Variants in VPS54 observed in about 807,000 individuals in gnomAD.
VPS54 encodes vacuolar protein sorting-associated protein 54.
In VPS54, 45 loss-of-function variants were observed where a neutral mutation model predicts 121.5. The observed-to-expected ratio is 0.37, with a 90% CI of 0.29 to 0.47. The LOEUF is 0.47. VPS54 is among the 20% of genes least tolerant of loss of function. The pLI is 0.99. For missense variants in VPS54, 1,090 were observed against 1,131.4 expected, an observed-to-expected ratio of 0.96 and a Z score of 0.52; for synonymous variants, 371 against 385.8, an observed-to-expected ratio of 0.96 and a Z score of 0.45.
chr2:63,964,539 C>A (rs1675902738), intron 6 of VPS54, among the ~76,000 whole-genome samples: 2 of 152,158 alleles, frequency 1.3e-5, no homozygotes, highest in Admixed American at 6.5e-5. Flanking sequence ...AAGCCTGTGT[C>A]ATGAGCAAGC....
At chr2:63,919,647 T>C (rs775839992) in intron 15 of VPS54, among the ~76,000 whole-genome samples, 1 of 152,048 alleles carries the variant, frequency 6.6e-6, no homozygotes, top group African/African-American at 2.4e-5. Context: ...GAGAATGAAC[T>C]GGAGTAATGC....
intron 3 of VPS54, chr2:63,975,167 T>C: frequency 1.4e-6 from 1 of 723,498 alleles, no homozygotes; most frequent in Non-Finnish European, 2.1e-6. Flanking sequence ...TGCCTCAGCC[T>C]CCCAAGTAGC....
intron 14 of VPS54, 141 bp downstream of exon 14, chr2:63,920,305 T>C (rs1167937084): frequency 1.3e-6 from 1 of 746,506 alleles, no homozygotes; most frequent in Non-Finnish European, 1.9e-6. Context: ...AATGTGATTT[T>C]AATTCCACAA....
At chr2:63,919,602 A>G (rs142426384) in intron 15 of VPS54, among the ~76,000 whole-genome samples, 141 of 152,236 alleles carry the variant, frequency 9.3e-4, no homozygotes, top group African/African-American at 3.1e-3. Context: ...ACTGTTACAC[A>G]AAGAAACAAT....
In VPS54 at chr2:63,983,923, G is replaced by A. The variant is rs757447914; in HGVS notation, c.77C>T (p.Pro26Leu). ...TGGCACAGGTCGAATGTGTTTTGAC[G>A]GATCTACCTCTATTTTAAAGAAAAC... is the stretch of plus-strand genomic sequence containing the variant. ...SDVFFKIEVD[P>L]SKHIRPVPSL... Residue 26 changes from proline to leucine, a missense_variant, in exon 2 of 23, where the codon CCG becomes CTG. By Grantham distance (98) the Pro-to-Leu change is moderately conservative (BLOSUM62 -3). Coordinates refer to ENST00000272322, the MANE Select transcript of VPS54 (RefSeq NM_016516.3). 8.7e-6 allele frequency: 14 copies of A among 1,613,476 alleles called. No individual in the cohort carries two copies. The highest frequency in any genetic ancestry group is 2.2e-5 in the East Asian group (1 of 44,884).
At chr2:64,015,483 C>T (rs968527459) in intron 1 of VPS54, among the ~76,000 whole-genome samples, 1 of 152,056 alleles carries the variant, frequency 6.6e-6, no homozygotes, top group African/African-American at 2.4e-5. Flanking sequence ...TACCAGAAAT[C>T]GTGCAGCCCC....
intron 12 of VPS54, among the ~76,000 whole-genome samples, chr2:63,930,356 G>C (rs1235729499): frequency 1.3e-5 from 2 of 151,832 alleles, no homozygotes; most frequent in Non-Finnish European, 2.9e-5. Flanking sequence ...AGGCTGGTTT[G>C]ACATTCATAA....
At chr2:63,971,180 A>G (rs1287331345) in intron 4 of VPS54, among the ~76,000 whole-genome samples, 1 of 152,192 alleles carries the variant, frequency 6.6e-6, no homozygotes, top group Non-Finnish European at 1.5e-5. Flanking sequence ...GTTACTTCTC[A>G]AAGGCCTAAT....
chr2:63,953,965 T>C (rs893869240), intron 7 of VPS54, among the ~76,000 whole-genome samples: 4 of 152,156 alleles, frequency 2.6e-5, no homozygotes, highest in African/African-American at 7.2e-5. Context: ...ACAAACAATA[T>C]AGGACTTTTT....
chr2:63,893,202 TTA>T lies in VPS54; in HGVS notation c.*226_*227del. On this transcript the variant is annotated 3_prime_UTR_variant, in exon 23 of 23. Coordinates refer to ENST00000272322, the MANE Select transcript of VPS54 (RefSeq NM_016516.3). ...CTGTTTCCAGAGAGAATGAAAAATG[TTA>T]TAGACACCTGATCAGTTACTCCTCA... 3.5e-6 allele frequency: 2 copies of T among 574,780 alleles called. No individual in the cohort carries two copies. Among genetic ancestry groups the T allele is most frequent in the Non-Finnish European group, 6.3e-6 (2 of 318,480 alleles). 35.6% of individuals were successfully genotyped at this position (574,780 alleles called of 1,614,324 possible). A position where few individuals can be genotyped will look rare whatever the true frequency, so the allele number is the denominator to read the frequency against.
chr2:64,012,109 G>A (rs1335320439), intron 1 of VPS54, among the ~76,000 whole-genome samples: 4 of 151,998 alleles, frequency 2.6e-5, no homozygotes, highest in Non-Finnish European at 5.9e-5. Flanking sequence ...CTCACCACTG[G>A]TTGGCTATCT....
chr2:63,975,063 TGAGACA>T, intron 3 of VPS54: 1 of 1,545,324 alleles, frequency 6.5e-7, no homozygotes, highest in Non-Finnish European at 8.7e-7. Flanking sequence ...TTTTCTTTTT[TGAGACA>T]GAGTCTCACT....
At chr2:64,013,665 T>C (rs1357570883) in intron 1 of VPS54, among the ~76,000 whole-genome samples, 2 of 146,392 alleles carry the variant, frequency 1.4e-5, no homozygotes, top group Non-Finnish European at 3.0e-5. Flanking sequence ...TATATTGATA[T>C]ATATATCTAT....
intron 12 of VPS54, among the ~76,000 whole-genome samples, chr2:63,928,027 C>T (rs1245640368): frequency 6.6e-6 from 1 of 152,180 alleles, no homozygotes; most frequent in Admixed American, 6.5e-5. Context: ...AAGACCAAAT[C>T]TACGTTTGAT....
At chr2:63,936,505 T>C (rs1163109668) in intron 11 of VPS54, among the ~76,000 whole-genome samples, 10 of 152,146 alleles carry the variant, frequency 6.6e-5, no homozygotes, top group African/African-American at 1.7e-4. Context: ...GGTAGCCATA[T>C]TGATAACCAT....
intron 4 of VPS54, among the ~76,000 whole-genome samples, chr2:63,970,723 C>T (rs1266561689): frequency 6.6e-6 from 1 of 152,140 alleles, no homozygotes; most frequent in Non-Finnish European, 1.5e-5. Flanking sequence ...GTTGACTTTC[C>T]TATCTCTCTG....
chr2:63,929,485 G>A (rs1299935633), intron 12 of VPS54, among the ~76,000 whole-genome samples: 13 of 152,008 alleles, frequency 8.6e-5, no homozygotes, highest in African/African-American at 1.9e-4. Context: ...AAGACACAAC[G>A]TACCAGAATC....
intron 18 of VPS54, among the ~76,000 whole-genome samples, chr2:63,912,949 C>A (rs964123848): frequency 6.6e-6 from 1 of 152,074 alleles, no homozygotes; most frequent in African/African-American, 2.4e-5. Context: ...ATAGCTTTCA[C>A]CCCCAAATAC....
At chr2:63,929,611 G>A (rs1171776654) in intron 12 of VPS54, among the ~76,000 whole-genome samples, 2 of 151,036 alleles carry the variant, frequency 1.3e-5, no homozygotes, top group Admixed American at 1.3e-4. Context: ...AAGAACTAGA[G>A]AAGCAAGAGC....
Sources: allele counts gnomAD v4.1 joint callset (sites outside exome capture counted in the v4.1 genomes callset), GRCh38; gene constraint gnomAD v4.1.1; transcripts MANE v1.5; gene names NCBI Gene and HGNC (gene_info 2026-07-23, HGNC 2026-07-21).